The following LRRC49 variants were observed in gnomAD, a reference collection of about 807,000 sequenced individuals.
LRRC49 encodes the protein leucine rich repeat containing 49.
Under a neutral mutation model 83.3 loss-of-function variants are expected in LRRC49, and 50 were observed. The ratio of observed to expected loss-of-function variants is 0.60; its 90% CI spans 0.48 to 0.76. The LOEUF (loss-of-function observed/expected upper bound fraction) is 0.76, where lower values mean the gene tolerates loss of function less well. LRRC49 is among the 30% of genes least tolerant of loss of function. The pLI is 0.00. For synonymous variants in LRRC49, 286 were observed against 283.3 expected (o/e 1.01, Z -0.10); for missense variants, 704 against 809.1 (o/e 0.87, Z 1.58).
chr15:70,936,921 C>A, intron 8 of LRRC49, 99 bp downstream of exon 8: 1 of 737,156 alleles, frequency 1.4e-6, no homozygotes, highest in Non-Finnish European at 2.3e-6. Context: ...ATTTTACTAG[C>A]ATGGAAGATT....
intron 8 of LRRC49, among the ~76,000 whole-genome samples, chr15:70,944,504 A>G (rs191814048): frequency 0.01 from 1,538 of 152,224 alleles, 30 homozygotes; most frequent in African/African-American, 0.034. Context: ...TCCAGGGTTC[A>G]AGCAATTCTC....
chr15:70,916,965 T>C (rs1227975553), intron 6 of LRRC49, among the ~76,000 whole-genome samples: 1 of 152,180 alleles, frequency 6.6e-6, no homozygotes, highest in Admixed American at 6.5e-5. Context: ...AAGTGTTTGT[T>C]TCTGCTGTCT....
intron 7 of LRRC49, among the ~76,000 whole-genome samples, chr15:70,929,521 G>T (rs746812340): frequency 6.6e-6 from 1 of 152,194 alleles, no homozygotes; most frequent in East Asian, 1.9e-4. Flanking sequence ...GACAGATCAA[G>T]GTGATGGTTG....
chr15:70,994,242 CT>C (rs1456521452), intron 11 of LRRC49, among the ~76,000 whole-genome samples: 2 of 152,096 alleles, frequency 1.3e-5, no homozygotes, highest in Admixed American at 1.3e-4. Flanking sequence ...AAAAATTAAA[CT>C]TCTTTTTTCA....
chr15:70,869,387 C>T (rs1377024857), intron 1 of LRRC49, among the ~76,000 whole-genome samples: 2 of 152,182 alleles, frequency 1.3e-5, no homozygotes, highest in African/African-American at 4.8e-5. Flanking sequence ...GCTTCTTAGA[C>T]TGCCATATTT....
chr15:70,920,270 GA>G (rs1346879892), intron 7 of LRRC49, among the ~76,000 whole-genome samples: 1 of 152,168 alleles, frequency 6.6e-6, no homozygotes, highest in Non-Finnish European at 1.5e-5. Flanking sequence ...TCATCGTACA[GA>G]TTGGTTTTAT....
At chr15:70,905,541 G>A (rs72757983) in intron 5 of LRRC49, among the ~76,000 whole-genome samples, 44,588 of 151,996 alleles carry the variant, frequency 0.29, 7,892 homozygotes, top group Non-Finnish European at 0.39. Flanking sequence ...ACTCTATAAC[G>A]AAGACAGATT....
intron 14 of LRRC49, among the ~76,000 whole-genome samples, chr15:71,025,114 A>T (rs1274009295): frequency 6.6e-6 from 1 of 152,234 alleles, no homozygotes; most frequent in Non-Finnish European, 1.5e-5. Flanking sequence ...ACCAAGCTGG[A>T]AAACATACTT....
chr15:70,856,811 G>C (rs2032666277), intron 1 of LRRC49, among the ~76,000 whole-genome samples: 1 of 152,116 alleles, frequency 6.6e-6, no homozygotes, highest in African/African-American at 2.4e-5. Context: ...CTTCATCTAG[G>C]AACACTTGCT....
At chr15:70,905,846 C>T (rs1416744322) in intron 5 of LRRC49, among the ~76,000 whole-genome samples, 1 of 152,028 alleles carries the variant, frequency 6.6e-6, no homozygotes, top group Non-Finnish European at 1.5e-5. Flanking sequence ...GTCATAAGAC[C>T]CTCATTCCAG....
intron 6 of LRRC49, among the ~76,000 whole-genome samples, chr15:70,914,271 T>A (rs2034669990): frequency 6.6e-6 from 1 of 152,170 alleles, no homozygotes; most frequent in African/African-American, 2.4e-5. Context: ...TGTCCAATTC[T>A]AAAAATTTAG....
chr15:70,926,606 G>A (rs554454680), intron 7 of LRRC49, among the ~76,000 whole-genome samples: 1 of 152,114 alleles, frequency 6.6e-6, no homozygotes, highest in South Asian at 2.1e-4. Context: ...CCATGTTGGT[G>A]TGCTGCACCC....
At chr15:71,043,763 G>T (rs2039765946) in intron 15 of LRRC49, among the ~76,000 whole-genome samples, 1 of 152,072 alleles carries the variant, frequency 6.6e-6, no homozygotes, top group Non-Finnish European at 1.5e-5. Context: ...AACTATAGCA[G>T]AAAATTTTAA....
chr15:71,025,073 T>C (rs951463125), intron 14 of LRRC49, among the ~76,000 whole-genome samples: 4 of 152,174 alleles, frequency 2.6e-5, no homozygotes, highest in African/African-American at 9.7e-5. Context: ...TACAGCTGAC[T>C]GGGGAACCTG....
chr15:70,893,725 T>C, intron 2 of LRRC49, 85 bp downstream of exon 2: 1 of 1,036,494 alleles, frequency 9.6e-7, no homozygotes, highest in Non-Finnish European at 1.5e-6. Flanking sequence ...TGTAGATAGA[T>C]TCTAAACTGA....
chr15:70,965,584 G>T (rs886881265), intron 9 of LRRC49, among the ~76,000 whole-genome samples: 3 of 151,846 alleles, frequency 2.0e-5, no homozygotes, highest in Admixed American at 6.6e-5. Flanking sequence ...CAGATTTTTT[G>T]ATGTTTCCTC....
rs765543026 is a variant in LRRC49 at position 71,045,791 on chromosome 15, G to T, written c.1858-3618G>T. Among the ~76,000 whole-genome samples the T allele has an allele frequency of 5.3e-5, 8 of 152,140 alleles. No homozygotes were observed. In the East Asian group the frequency reaches 1.5e-3, roughly 29 times the overall value. Reference sequence around the variant, plus strand: ...ATGTGATGCTGGGGTTTGGAGTATGGATCCTGTCACTCTAGTAATGAGCAC... The same window carrying T: ...ATGTGATGCTGGGGTTTGGAGTATGTATCCTGTCACTCTAGTAATGAGCAC... On this transcript the variant is annotated intron_variant, in intron 15 of 15. Coordinates refer to ENST00000260382, the MANE Select transcript of LRRC49 (RefSeq NM_017691.5).
chr15:70,863,177 C>G (rs559704350), intron 1 of LRRC49, among the ~76,000 whole-genome samples: 1 of 152,322 alleles, frequency 6.6e-6, no homozygotes, highest in East Asian at 1.9e-4. Context: ...CCACGGGCAT[C>G]AGAATTACTA....
chr15:70,949,821 A>T (rs1475833020), intron 8 of LRRC49, among the ~76,000 whole-genome samples: 1 of 152,108 alleles, frequency 6.6e-6, no homozygotes, highest in African/African-American at 2.4e-5. Flanking sequence ...ATTTATTTTT[A>T]AAATTTTAAG....
Sources: gnomAD v4.1 joint callset for allele counts (sites outside exome capture counted in the v4.1 genomes callset) on GRCh38, gnomAD v4.1.1 for gene constraint, MANE v1.5 for transcripts, NCBI Gene and HGNC (gene_info 2026-07-23, HGNC 2026-07-21) for gene names.